Variants in FOXP1 observed in about 807,000 individuals in gnomAD.
FOXP1 encodes the protein forkhead box protein P1.
A neutral mutation model predicts 98.2 loss-of-function variants in FOXP1; 15 were observed. That is an observed-to-expected ratio of 0.15 (90% CI 0.10 to 0.24). The LOEUF is 0.24. Among genes scored for constraint, FOXP1 ranks in the 10% least tolerant of loss-of-function variants. The probability of loss-of-function intolerance (pLI) is 1.00; values close to 1 mark genes in which losing one functional copy is unlikely to be tolerated. For missense variants in FOXP1, 633 were observed against 848.5 expected (o/e 0.75, Z 3.15); for synonymous variants, 371 against 314.5 (o/e 1.18, Z -1.90).
chr3:71,319,080 T>C (rs1253915609), intron 4 of FOXP1, among the ~76,000 whole-genome samples: 1 of 152,216 alleles, frequency 6.6e-6, no homozygotes, highest in Non-Finnish European at 1.5e-5. Flanking sequence ...GATTTTGCCA[T>C]TAACTGAAGT....
intron 11 of FOXP1, 68 bp downstream of exon 11, chr3:71,041,260 G>C (rs544367607): frequency 1.6e-6 from 2 of 1,266,342 alleles, no homozygotes; most frequent in Non-Finnish European, 1.2e-6. Context: ...GAGATATGAC[G>C]AGGCAGGGCC....
At chr3:71,090,243 C>A (rs1434348953) in intron 7 of FOXP1, among the ~76,000 whole-genome samples, 1 of 152,196 alleles carries the variant, frequency 6.6e-6, no homozygotes, top group African/African-American at 2.4e-5. Flanking sequence ...ATTTTCTAAG[C>A]TTCTTTCACA....
chr3:71,575,008 T>C (rs890801131), intron 2 of FOXP1, among the ~76,000 whole-genome samples: 5 of 152,194 alleles, frequency 3.3e-5, no homozygotes, highest in Non-Finnish European at 7.3e-5. Context: ...CCTCCAACTC[T>C]GATAATTGAC....
At chr3:71,280,266 T>TA (rs1031895350) in intron 5 of FOXP1, among the ~76,000 whole-genome samples, 23 of 152,050 alleles carry the variant, frequency 1.5e-4, no homozygotes, top group Admixed American at 9.8e-4. Flanking sequence ...TTTAAAACAT[T>TA]ATCATCATTT....
intron 3 of FOXP1, among the ~76,000 whole-genome samples, chr3:71,454,883 G>A (rs1019881813): frequency 2.6e-5 from 4 of 151,882 alleles, no homozygotes; most frequent in Non-Finnish European, 5.9e-5. Flanking sequence ...GGTAGTCCTA[G>A]GGCCCACACC....
At chr3:71,144,459 T>TA (rs2060210153) in intron 6 of FOXP1, among the ~76,000 whole-genome samples, 1 of 152,168 alleles carries the variant, frequency 6.6e-6, no homozygotes, top group South Asian at 2.1e-4. Context: ...GTGCGTGTGC[T>TA]AGAGTCTCCA....
At chr3:71,061,348 A>C (rs2051446076) in intron 7 of FOXP1, among the ~76,000 whole-genome samples, 1 of 152,206 alleles carries the variant, frequency 6.6e-6, no homozygotes, top group Non-Finnish European at 1.5e-5. Flanking sequence ...TGTAACTTGC[A>C]GTCTTACATG....
intron 2 of FOXP1, among the ~76,000 whole-genome samples, chr3:71,551,189 T>C (rs1285716548): frequency 6.6e-6 from 1 of 152,166 alleles, no homozygotes; most frequent in Non-Finnish European, 1.5e-5. Flanking sequence ...ATACAAATTT[T>C]TCCAAAGGAA....
intron 5 of FOXP1, among the ~76,000 whole-genome samples, chr3:71,223,712 A>G (rs1036900227): frequency 6.7e-6 from 1 of 148,168 alleles, no homozygotes; most frequent in Non-Finnish European, 1.5e-5. Context: ...AAAAAAAAAA[A>G]GAAAATATTT....
intron 7 of FOXP1, among the ~76,000 whole-genome samples, chr3:71,097,055 C>A (rs965092241): frequency 6.6e-6 from 1 of 152,126 alleles, no homozygotes. Context: ...CTGGGATAAA[C>A]AATTGCTAGA....
At chr3:71,241,025 A>G (rs1172832442) in intron 5 of FOXP1, among the ~76,000 whole-genome samples, 23 of 151,582 alleles carry the variant, frequency 1.5e-4, no homozygotes, top group Non-Finnish European at 1.5e-5. Context: ...CCTGGCCAAC[A>G]TAGTGAAACC....
chr3:71,388,744 T>C (rs886527554), intron 3 of FOXP1, among the ~76,000 whole-genome samples: 8 of 152,192 alleles, frequency 5.3e-5, no homozygotes, highest in African/African-American at 1.9e-4. Flanking sequence ...ACATGCGGCA[T>C]ACATAATAAA....
chr3:71,124,671 A>C (rs2059032528), intron 6 of FOXP1, among the ~76,000 whole-genome samples: 1 of 152,046 alleles, frequency 6.6e-6, no homozygotes, highest in South Asian at 2.1e-4. Flanking sequence ...AAAAAGAGAA[A>C]CATAAGACCA....
chr3:71,151,245 G>A lies in FOXP1; in HGVS notation c.181-38608C>T, dbSNP rs563901406. On this transcript the variant is annotated intron_variant, in intron 6 of 20. Coordinates refer to ENST00000649528, the MANE Select transcript of FOXP1 (RefSeq NM_001349338.3). The stretch of plus-strand genomic sequence containing the variant: ...AGTTCTTGCAAGGTACACGTCATGA[G>A]TGGACATTCATGCTGTATTTTATTG... Among the ~76,000 whole-genome samples the A allele has an allele frequency of 5.5e-4, 84 of 152,294 alleles. 1 individual carries two copies. Among genetic ancestry groups the A allele is most frequent in the African/African-American group, 1.9e-3 (79 of 41,566 alleles).
At chr3:71,146,504 AAAAAAAT>A (rs980538854) in intron 6 of FOXP1, among the ~76,000 whole-genome samples, 35 of 152,050 alleles carry the variant, frequency 2.3e-4, no homozygotes, top group Non-Finnish European at 4.4e-4. Flanking sequence ...AATGAAGAGC[AAAAAAAT>A]AAAAAATAAA....
chr3:71,047,450 G>A (rs2049178906), intron 9 of FOXP1, among the ~76,000 whole-genome samples: 1 of 152,100 alleles, frequency 6.6e-6, no homozygotes, highest in African/African-American at 2.4e-5. Context: ...AGTCTGAAGG[G>A]GTCTGAACCC....
intron 3 of FOXP1, among the ~76,000 whole-genome samples, chr3:71,470,795 G>C (rs1244123329): frequency 6.6e-6 from 1 of 152,186 alleles, no homozygotes; most frequent in Non-Finnish European, 1.5e-5. Context: ...GAGAAATACT[G>C]CTGAACTAGG....
chr3:71,564,871 T>G (rs1042098721), intron 2 of FOXP1, among the ~76,000 whole-genome samples: 2 of 152,052 alleles, frequency 1.3e-5, no homozygotes, highest in African/African-American at 4.8e-5. Context: ...TCTCAGCACT[T>G]TGGGAGGCTG....
intron 7 of FOXP1, among the ~76,000 whole-genome samples, chr3:71,110,067 A>G (rs2057787507): frequency 6.6e-6 from 1 of 152,096 alleles, no homozygotes; most frequent in African/African-American, 2.4e-5. Context: ...TGGTTTTGAC[A>G]CTGTCCTTGC....
Sources: allele counts gnomAD v4.1 joint callset (sites outside exome capture counted in the v4.1 genomes callset), GRCh38; gene constraint gnomAD v4.1.1; transcripts MANE v1.5; gene names NCBI Gene and HGNC (gene_info 2026-07-23, HGNC 2026-07-21).